Variants in CAMK2B observed in about 807,000 individuals in gnomAD.
CAMK2B encodes the protein calcium/calmodulin-dependent protein kinase type II subunit beta.
Under a neutral mutation model 93.7 loss-of-function variants are expected in CAMK2B, and 27 were observed. The observed-to-expected ratio is 0.29, with a 90% CI of 0.21 to 0.40. The LOEUF (loss-of-function observed/expected upper bound fraction) is 0.40. Among genes scored for constraint, CAMK2B ranks in the 10% least tolerant of loss-of-function variants. The probability of loss-of-function intolerance (pLI) is 1.00; values close to 1 mark genes in which losing one functional copy is unlikely to be tolerated. For synonymous variants in CAMK2B, 374 were observed against 358.8 expected (o/e 1.04, Z -0.48); for missense variants, 568 against 895.8 (o/e 0.63, Z 4.67).
intron 4 of CAMK2B, among the ~76,000 whole-genome samples, chr7:44,255,595 G>A (rs985358633): frequency 5.9e-5 from 9 of 152,090 alleles, no homozygotes; most frequent in Admixed American, 2.6e-4. Flanking sequence ...CCATCCCCCC[G>A]CCTGCTCCAC....
chr7:44,298,365 C>T (rs971840312), intron 1 of CAMK2B, among the ~76,000 whole-genome samples: 1 of 152,172 alleles, frequency 6.6e-6, no homozygotes, highest in Non-Finnish European at 1.5e-5. Flanking sequence ...GGATCCTTAT[C>T]TTACACAACA....
intron 1 of CAMK2B, chr7:44,325,134 G>T: frequency 6.6e-6 from 1 of 151,470 alleles, no homozygotes; most frequent in Non-Finnish European, 1.5e-5. Context: ...CAGCCGCGCT[G>T]GGCAGAGCTG....
intron 13 of CAMK2B, among the ~76,000 whole-genome samples, chr7:44,236,310 C>T (rs2096625584): frequency 1.3e-5 from 2 of 152,196 alleles, no homozygotes; most frequent in Admixed American, 6.5e-5. Context: ...CGTGGCCCTG[C>T]GGACCCCATG....
chr7:44,235,233 T>C (rs1415811493), intron 13 of CAMK2B, among the ~76,000 whole-genome samples: 2 of 152,234 alleles, frequency 1.3e-5, no homozygotes, highest in Admixed American at 6.5e-5. Context: ...GTCTGTCCCA[T>C]TGGCTCCTTG....
intron 9 of CAMK2B, 81 bp downstream of exon 9, chr7:44,242,479 C>T: frequency 2.0e-6 from 3 of 1,504,610 alleles, no homozygotes; most frequent in East Asian, 2.3e-5. Context: ...CTTCACCCCA[C>T]TCCTAGCCTC....
chr7:44,257,152 C>A (rs1344229497), intron 4 of CAMK2B, among the ~76,000 whole-genome samples: 1 of 152,186 alleles, frequency 6.6e-6, no homozygotes, highest in Non-Finnish European at 1.5e-5. Flanking sequence ...TGTCAATCCC[C>A]CAGAATCCAC....
intron 2 of CAMK2B, among the ~76,000 whole-genome samples, chr7:44,270,602 G>C (rs939926204): frequency 1.3e-5 from 2 of 152,238 alleles, no homozygotes; most frequent in Non-Finnish European, 2.9e-5. Context: ...GCCTGGGCCA[G>C]GAAACTGGCT....
chr7:44,319,151 C>A lies in CAMK2B; in HGVS notation c.65+6206G>T, dbSNP rs543028802. On this transcript the variant is annotated intron_variant, in intron 1 of 23. Coordinates refer to ENST00000395749, the MANE Select transcript of CAMK2B (RefSeq NM_001220.5). ...CTGTAAAAGATGCTTTAAAAATAAT[C>A]AAATCAGATTCAATTTTTGTGGGGG... Among the ~76,000 whole-genome samples, 8 of 152,176 alleles carry A rather than the reference C, an allele frequency of 5.3e-5. No individual in the cohort carries two copies. In the South Asian group the frequency reaches 1.7e-3, roughly 32 times the overall value.
chr7:44,220,188 G>C lies in CAMK2B; in HGVS notation c.1875C>G (p.Tyr625Ter). 1 of 1,613,092 alleles carries C rather than the reference G, an allele frequency of 6.2e-7. No homozygotes were observed. The change falls in exon 23 of 24, where the codon TAC becomes TAG. Residue 625 changes from tyrosine (Y) to a stop codon, truncating the protein, a stop_gained. Transcript: ENST00000395749. LOFTEE classifies it high-confidence loss of function. The part of the protein sequence containing the change: ...ACIAYIRLTQ[Y>*]IDGQGRPRTS... Reference sequence around the variant, plus strand: ...TGCGGGGCCGGCCCTGCCCGTCAATGTACTGCGTGAGCCGGATGTAAGCGA... The same window carrying C: ...TGCGGGGCCGGCCCTGCCCGTCAATCTACTGCGTGAGCCGGATGTAAGCGA...
At chr7:44,296,058 T>TA (rs1424048569) in intron 1 of CAMK2B, among the ~76,000 whole-genome samples, 3 of 151,842 alleles carry the variant, frequency 2.0e-5, no homozygotes, top group Non-Finnish European at 4.4e-5. Context: ...CAGCTTTCAA[T>TA]AAAAAAACTA....
chr7:44,226,549 A>G lies in CAMK2B; in HGVS notation c.1564T>C (p.Ser522Pro), dbSNP rs2096481989. 13 of 1,473,926 alleles carry G rather than the reference A, an allele frequency of 8.8e-6. No homozygotes were observed. Among genetic ancestry groups the G allele is most frequent in the Admixed American group, 2.7e-5 (1 of 36,418 alleles). 91.3% of individuals were successfully genotyped at this position (1,473,926 alleles called of 1,614,324 possible). The change falls in exon 20 of 24, where the codon TCT (serine) becomes CCT (proline). Residue 522 changes from serine (S) to proline (P), a missense_variant. Coordinates refer to ENST00000395749, the MANE Select transcript of CAMK2B (RefSeq NM_001220.5). ...GGCAGGGGGCCAGGGATAGTCGGAG[A>G]TGGGCAGGGCGGGGGCCCCACTGGC... ...PSPVGPPPCPSPTIPGPLPTP... is the reference protein window; with the variant it reads ...PSPVGPPPCPPPTIPGPLPTP...
chr7:44,321,951 G>C (rs1384456161), intron 1 of CAMK2B, among the ~76,000 whole-genome samples: 1 of 152,198 alleles, frequency 6.6e-6, no homozygotes, highest in Admixed American at 6.5e-5. Flanking sequence ...CAGAAGACTC[G>C]AGGACCCTCC....
intron 17 of CAMK2B, among the ~76,000 whole-genome samples, 163 bp downstream of exon 17, chr7:44,230,843 C>A (rs1288363671): frequency 6.6e-6 from 1 of 152,086 alleles, no homozygotes; most frequent in African/African-American, 2.4e-5. Context: ...GGCCTGACAC[C>A]CAGGCTTGGA....
At chr7:44,288,991 G>A (rs1179133565) in intron 1 of CAMK2B, among the ~76,000 whole-genome samples, 3 of 152,164 alleles carry the variant, frequency 2.0e-5, no homozygotes, top group East Asian at 1.9e-4. Flanking sequence ...AGCAGGAAGC[G>A]TCATTGTCTG....
intron 1 of CAMK2B, among the ~76,000 whole-genome samples, chr7:44,293,680 A>C (rs4994506): frequency 1.3e-5 from 2 of 152,202 alleles, no homozygotes; most frequent in African/African-American, 4.8e-5. Flanking sequence ...TCGCTTGCAC[A>C]GTTCACAATA....
Position 44,228,810 on chromosome 7 carries a change from G to A in CAMK2B, c.1454C>T (p.Pro485Leu). 6.6e-7 allele frequency: 1 copy of A among 1,511,868 alleles called. No homozygotes were observed. The highest frequency in any genetic ancestry group is 8.8e-7 in the Non-Finnish European group (1 of 1,134,598). 93.7% of individuals were successfully genotyped at this position (1,511,868 alleles called of 1,614,324 possible). ...PPCLSPALLG[P>L]LSSPSPRISD... The stretch of plus-strand genomic sequence containing the variant: ...CCACTACTTACACGGGGAGGACAGG[G>A]GGCCTAGGAGAGCCGGAGACAGGCA... Residue 485 changes from proline (P) to leucine (L), a missense_variant, in exon 19 of 24, where the codon CCC becomes CTC. Transcript: ENST00000395749.
chr7:44,284,053 C>T (rs1784424203), intron 2 of CAMK2B, 78 bp downstream of exon 2: 1 of 1,079,888 alleles, frequency 9.3e-7, no homozygotes, highest in Non-Finnish European at 1.4e-6. Context: ...GGGCCTGCTG[C>T]CCAGTCCACA....
chr7:44,223,858 C>T (rs1242469324), intron 20 of CAMK2B, among the ~76,000 whole-genome samples: 2 of 152,150 alleles, frequency 1.3e-5, no homozygotes, highest in Non-Finnish European at 1.5e-5. Flanking sequence ...TAGTTAACCT[C>T]CCTTTCTAAT....
chr7:44,319,345 C>T (rs1795516998), intron 1 of CAMK2B, among the ~76,000 whole-genome samples: 1 of 152,186 alleles, frequency 6.6e-6, no homozygotes, highest in Non-Finnish European at 1.5e-5. Context: ...TAGTAAATTA[C>T]TGTTAAATTC....
Sources: gnomAD v4.1 joint callset for allele counts (sites outside exome capture counted in the v4.1 genomes callset) on GRCh38, gnomAD v4.1.1 for gene constraint, MANE v1.5 for transcripts, NCBI Gene and HGNC (gene_info 2026-07-23, HGNC 2026-07-21) for gene names.